LHX8: variants seen among roughly 807,000 people sequenced by gnomAD.
LHX8 encodes LIM homeobox 8.
In LHX8, 12 loss-of-function variants were observed where a neutral mutation model predicts 40.3. The observed-to-expected ratio is 0.30, with a 90% confidence interval of 0.19 to 0.48. The LOEUF is 0.48. LHX8 is among the 20% of genes least tolerant of loss of function. LHX8 has a pLI of 0.99. For synonymous variants in LHX8, 179 were observed against 162.0 expected, an observed-to-expected ratio of 1.10 and a Z score of -0.80; for missense variants, 344 against 433.7, an observed-to-expected ratio of 0.79 and a Z score of 1.84.
the LHX8 span, among the ~76,000 whole-genome samples, chr1:75,197,156 T>C: frequency 1.1e-4 from 16 of 152,312 alleles, no homozygotes; most frequent in East Asian, 2.7e-3. Context: ...AAGTATTAAT[T>C]AGGAAAACAC....
chr1:75,145,699 G>T (rs1338136946), intron 6 of LHX8, among the ~76,000 whole-genome samples: 1 of 152,102 alleles, frequency 6.6e-6, no homozygotes. Flanking sequence ...TCTTCCAGGA[G>T]ACCATGAGTG....
chr1:75,136,401 T>C (rs1225237024), intron 1 of LHX8, among the ~76,000 whole-genome samples: 1 of 151,576 alleles, frequency 6.6e-6, no homozygotes, highest in Non-Finnish European at 1.5e-5. Flanking sequence ...AGCGCTCGGG[T>C]GGCGGCCGCC....
At chr1:75,177,788 T>C in the LHX8 span, among the ~76,000 whole-genome samples, 1 of 152,228 alleles carries the variant, frequency 6.6e-6, no homozygotes, top group Non-Finnish European at 1.5e-5. Flanking sequence ...TTTTGCCCAT[T>C]CAGTATGATA....
At chr1:75,189,358 GCAGGTTACTAGAC>G in the LHX8 span, among the ~76,000 whole-genome samples, 1 of 152,114 alleles carries the variant, frequency 6.6e-6, no homozygotes, top group East Asian at 1.9e-4. Context: ...AAATTTGGAT[GCAGGTTACTAGAC>G]CAGCCAAACA....
rs535826871 is a variant in LHX8, at chr1:75,156,116, C to T, written c.781-777C>T. ...GGAATTCTTGAGGGCCCTTCCCCAC[C>T]TTTTCTGGGGAAGATGCTGTTTTAG... On this transcript the variant is annotated intron_variant, in intron 7 of 8. Coordinates refer to ENST00000356261, the MANE Select transcript of LHX8 (RefSeq NM_001256114.2). Among the ~76,000 whole-genome samples, 14 of 151,998 alleles carry T rather than the reference C, an allele frequency of 9.2e-5. 1 individual carries two copies. The East Asian group carries it at 2.7e-3, about 29-fold the overall frequency.
rs1648390070 is a variant in LHX8 at position 75,143,888 on chromosome 1, T to A, written c.624T>A (p.Asp208Glu). ...SVEGALLTEQ[D>E]VNHPKPAKRA... ...AAGGTGCCCTCCTCACAGAGCAAGA[T>A]GTTAACCATCCAAAACCAGCAAAAA... The change falls in exon 6 of 9, where the codon GAT becomes GAA. Residue 208 changes from aspartate (D) to glutamate (E), a missense_variant. Around this residue, in one of 3 missense-constraint regions of LHX8, gnomAD observed 147 missense variants for 250.8 expected, o/e 0.59. Transcript: ENST00000356261. 1 of 1,613,402 alleles carries A rather than the reference T, an allele frequency of 6.2e-7. No individual in the cohort carries two copies. Among genetic ancestry groups the A allele is most frequent in the Non-Finnish European group, 8.5e-7 (1 of 1,179,480 alleles).
the LHX8 span, among the ~76,000 whole-genome samples, chr1:75,189,007 A>G: frequency 6.6e-6 from 1 of 152,330 alleles, no homozygotes; most frequent in African/African-American, 2.4e-5. Flanking sequence ...GGCATGCATC[A>G]GCAGTAACCA....
chr1:75,128,814 T>C (rs945621972), intron 1 of LHX8, among the ~76,000 whole-genome samples: 2 of 152,118 alleles, frequency 1.3e-5, no homozygotes, highest in African/African-American at 2.4e-5. Flanking sequence ...ATGAAAAAGG[T>C]GTTCATTGTG....
chr1:75,128,793 C>T (rs945477014), intron 1 of LHX8, among the ~76,000 whole-genome samples: 30 of 152,268 alleles, frequency 2.0e-4, no homozygotes, highest in Admixed American at 1.4e-3. Context: ...AATAAACCAG[C>T]GACAAAGGAG....
the LHX8 span, among the ~76,000 whole-genome samples, chr1:75,174,761 T>G: frequency 1.3e-5 from 2 of 152,246 alleles, no homozygotes. Flanking sequence ...TGGTAGCAGA[T>G]AGAATATATC....
chr1:75,193,397 G>A, the LHX8 span, among the ~76,000 whole-genome samples: 262 of 152,214 alleles, frequency 1.7e-3, no homozygotes, highest in African/African-American at 5.9e-3. Flanking sequence ...ATCACCTGTG[G>A]ATCCTATTCA....
At chr1:75,166,776 C>T in the LHX8 span, among the ~76,000 whole-genome samples, 1 of 152,168 alleles carries the variant, frequency 6.6e-6, no homozygotes, top group Non-Finnish European at 1.5e-5. Context: ...GAGCCTAGCA[C>T]TTGCAAAGGG....
In LHX8 at chr1:75,141,118, A is replaced by G; in HGVS notation, c.359+12A>G. 2 of 1,612,166 alleles carry G rather than the reference A, an allele frequency of 1.2e-6. No homozygotes were observed. Among genetic ancestry groups the G allele is most frequent in the Non-Finnish European group, 1.7e-6 (2 of 1,179,036 alleles). On this transcript the variant is annotated intron_variant, in intron 4 of 8. Transcript: ENST00000356261. ...CTTGATTATTTCAGGTATGCTGTGA[A>G]GCTTTTTCTTAGTAGATACTTGAAT...
intron 6 of LHX8, among the ~76,000 whole-genome samples, chr1:75,146,994 C>T (rs1356430590): frequency 1.3e-5 from 2 of 152,072 alleles, no homozygotes; most frequent in Non-Finnish European, 2.9e-5. Context: ...AAAACAAAGA[C>T]ATAATTTGCT....
chr1:75,157,111 G>A lies in LHX8; in HGVS notation c.964+35G>A, dbSNP rs749211173. On this transcript the variant is annotated intron_variant, in intron 8 of 8. Coordinates refer to ENST00000356261, the MANE Select transcript of LHX8 (RefSeq NM_001256114.2). ...CCAACATTTAACAGCTGTCTCCCAG[G>A]CAATCAGCAACTGGTAACTTCTAAT... 9.4e-6 allele frequency: 15 copies of A among 1,595,418 alleles called. No homozygotes were observed. The East Asian group carries it at 1.8e-4, about 19-fold the overall frequency.
the LHX8 span, among the ~76,000 whole-genome samples, chr1:75,199,161 A>G: frequency 3.9e-5 from 6 of 152,310 alleles, no homozygotes; most frequent in African/African-American, 1.4e-4. Context: ...TTTCTTTTTC[A>G]ATAGATTTAT....
At chr1:75,149,376 A>C (rs1179797706) in intron 7 of LHX8, among the ~76,000 whole-genome samples, 2 of 152,192 alleles carry the variant, frequency 1.3e-5, no homozygotes, top group Non-Finnish European at 2.9e-5. Flanking sequence ...TGATTTTAGG[A>C]AGAAAGGGCT....
At chr1:75,184,143 T>G in the LHX8 span, among the ~76,000 whole-genome samples, 10 of 152,062 alleles carry the variant, frequency 6.6e-5, no homozygotes. Flanking sequence ...TCTTAGAGAC[T>G]CACGAAGATA....
At chr1:75,166,485 C>G (rs1175962862), downstream of LHX8, among the ~76,000 whole-genome samples, 5 of 152,154 alleles carry the variant, frequency 3.3e-5, no homozygotes, top group Admixed American at 3.3e-4. Context: ...AATTCAATTT[C>G]AAAATATTTA....
Sources: gnomAD v4.1 joint callset for allele counts (sites outside exome capture counted in the v4.1 genomes callset) on GRCh38, gnomAD v4.1.1 for gene constraint, gnomAD v4.1.1 regional missense constraint, MANE v1.5 for transcripts, NCBI Gene and HGNC (gene_info 2026-07-23, HGNC 2026-07-21) for gene names.